The following NLGN1 variants were observed in gnomAD, a reference collection of about 807,000 sequenced individuals.
The protein encoded by NLGN1 is neuroligin 1.
Under a neutral mutation model 65.5 loss-of-function variants are expected in NLGN1, and 12 were observed. The observed-to-expected ratio is 0.18, with a 90% CI of 0.12 to 0.30. The LOEUF is 0.30. Ranked by LOEUF, NLGN1 falls within the 10% of genes least tolerant of loss-of-function variation. The probability of loss-of-function intolerance (pLI) is 1.00; values close to 1 mark genes in which losing one functional copy is unlikely to be tolerated. For synonymous variants in NLGN1, 350 were observed against 359.5 expected (o/e 0.97, Z 0.30); for missense variants, 750 against 1,007.1 (o/e 0.74, Z 3.46).
At chr3:174,051,255 A>G (rs749765188) in intron 4 of NLGN1, among the ~76,000 whole-genome samples, 4 of 152,056 alleles carry the variant, frequency 2.6e-5, no homozygotes, top group Non-Finnish European at 5.9e-5. Flanking sequence ...CCACCGTATT[A>G]TGATGTTGAT....
intron 3 of NLGN1, among the ~76,000 whole-genome samples, chr3:173,647,382 G>C (rs933015336): frequency 6.6e-6 from 1 of 152,062 alleles, no homozygotes; most frequent in African/African-American, 2.4e-5. Flanking sequence ...CCCAACAGGA[G>C]CAAAATACTC....
At chr3:174,149,033 A>G (rs1723853828) in intron 4 of NLGN1, among the ~76,000 whole-genome samples, 1 of 152,172 alleles carries the variant, frequency 6.6e-6, no homozygotes, top group Admixed American at 6.5e-5. Context: ...TGATTATGTT[A>G]TCAATTAGGA....
chr3:173,429,348 T>C (rs1224220768), intron 1 of NLGN1, among the ~76,000 whole-genome samples: 2 of 152,208 alleles, frequency 1.3e-5, no homozygotes, highest in African/African-American at 4.8e-5. Context: ...TCTTTTATTA[T>C]TTTATTCTTT....
chr3:174,012,118 C>A (rs1204239108), intron 4 of NLGN1, among the ~76,000 whole-genome samples: 1 of 152,112 alleles, frequency 6.6e-6, no homozygotes, highest in Non-Finnish European at 1.5e-5. Flanking sequence ...CTCAGGCCAC[C>A]ATGACAATGA....
chr3:173,646,902 G>T (rs1319475699), intron 3 of NLGN1, among the ~76,000 whole-genome samples: 1 of 152,052 alleles, frequency 6.6e-6, no homozygotes, highest in Non-Finnish European at 1.5e-5. Context: ...AGATTGTCAA[G>T]ATTGGATAAA....
intron 2 of NLGN1, among the ~76,000 whole-genome samples, chr3:173,580,277 C>T (rs1431840987): frequency 3.3e-5 from 5 of 151,980 alleles, no homozygotes; most frequent in Non-Finnish European, 7.4e-5. Context: ...GTATAGAAAC[C>T]AAAATAAGAT....
intron 4 of NLGN1, among the ~76,000 whole-genome samples, chr3:174,088,616 G>A (rs1331995746): frequency 4.6e-5 from 7 of 151,874 alleles, no homozygotes; most frequent in East Asian, 1.9e-4. Flanking sequence ...AGCCGGGCGC[G>A]GTGGCAGGTG....
intron 3 of NLGN1, among the ~76,000 whole-genome samples, chr3:173,638,616 A>G (rs1236361136): frequency 6.6e-6 from 1 of 152,198 alleles, no homozygotes; most frequent in Non-Finnish European, 1.5e-5. Context: ...ACAAGAATTA[A>G]TGACCAATTT....
At chr3:173,456,804 C>G (rs1722583126) in intron 2 of NLGN1, among the ~76,000 whole-genome samples, 1 of 152,130 alleles carries the variant, frequency 6.6e-6, no homozygotes, top group Admixed American at 6.6e-5. Context: ...GAAAAAGAAT[C>G]ACTGGTGTCC....
At chr3:174,130,679 G>C (rs1719997836) in intron 4 of NLGN1, among the ~76,000 whole-genome samples, 2 of 152,136 alleles carry the variant, frequency 1.3e-5, no homozygotes, top group East Asian at 1.9e-4. Flanking sequence ...GGTGTAGCAG[G>C]TGACGCAGAC....
rs1751333042 is a variant in NLGN1, at chr3:174,280,376, A to G, written c.1650-105A>G. On this transcript the variant is annotated intron_variant, in intron 6 of 6. Transcript: ENST00000457714. This position sits in a 1 kb window ranked among gnomAD's most constrained non-coding sequence, Gnocchi z 4.9. ...CCAAATTAATGTTAAAACACAATCTAAAGCATTGCTGAGTCATCTATTTAA... is the reference window on the plus strand; with the variant it reads ...CCAAATTAATGTTAAAACACAATCTGAAGCATTGCTGAGTCATCTATTTAA... 7.8e-6 allele frequency: 6 copies of G among 772,392 alleles called. No individual in the cohort carries two copies. The highest frequency in any genetic ancestry group is 1.0e-5 in the Non-Finnish European group (5 of 486,490). 47.8% of individuals were successfully genotyped at this position (772,392 alleles called of 1,614,324 possible). A position where few individuals can be genotyped will look rare whatever the true frequency, so the allele number is the denominator to read the frequency against.
intron 4 of NLGN1, among the ~76,000 whole-genome samples, chr3:173,866,817 G>A (rs1382381022): frequency 6.6e-6 from 1 of 152,130 alleles, no homozygotes; most frequent in Non-Finnish European, 1.5e-5. Flanking sequence ...TAGTTATACA[G>A]CACCCTTTTG....
At chr3:174,108,608 A>C (rs1305185624) in intron 4 of NLGN1, among the ~76,000 whole-genome samples, 1 of 152,136 alleles carries the variant, frequency 6.6e-6, no homozygotes. Context: ...AGCATTGACA[A>C]GTGGAGATTT....
Position 173,520,181 on chromosome 3 carries a change from T to C in NLGN1, c.-320-84098T>C, listed in dbSNP as rs886839742. Among the ~76,000 whole-genome samples the C allele has an allele frequency of 8.9e-4, 135 of 152,332 alleles. 1 individual carries two copies. Among genetic ancestry groups the C allele is most frequent in the Non-Finnish European group, 1.3e-4 (9 of 68,032 alleles). On this transcript the variant is annotated intron_variant, in intron 2 of 6. Transcript: ENST00000457714. ...GCCTCCACAGAAGCAGGAGCTGCTATGCTTCCTATACAGCCTGCAGATCCA... is the reference window on the plus strand; with the variant it reads ...GCCTCCACAGAAGCAGGAGCTGCTACGCTTCCTATACAGCCTGCAGATCCA...
At chr3:173,994,826 A>G (rs745490034) in intron 4 of NLGN1, among the ~76,000 whole-genome samples, 6 of 152,188 alleles carry the variant, frequency 3.9e-5, no homozygotes, top group Non-Finnish European at 7.3e-5. Context: ...TTACAGTACT[A>G]CAAAGTGTAA....
intron 4 of NLGN1, among the ~76,000 whole-genome samples, chr3:173,991,835 C>T (rs556209224): frequency 1.1e-4 from 17 of 152,008 alleles, no homozygotes; most frequent in Admixed American, 6.6e-4. Context: ...TGTTTTTTGA[C>T]GGAGTCTTGC....
At chr3:173,645,275 T>C (rs545735474) in intron 3 of NLGN1, among the ~76,000 whole-genome samples, 13 of 152,286 alleles carry the variant, frequency 8.5e-5, no homozygotes, top group African/African-American at 3.1e-4. Context: ...CTTTCCCTTG[T>C]CTCCTCTCCC....
intron 2 of NLGN1, among the ~76,000 whole-genome samples, chr3:173,490,164 C>T (rs1728873341): frequency 6.6e-6 from 1 of 152,136 alleles, no homozygotes; most frequent in Non-Finnish European, 1.5e-5. Context: ...CTTGCCCATG[C>T]CTATGTCCTA....
At chr3:173,454,202 A>G (rs2148861284) in intron 2 of NLGN1, among the ~76,000 whole-genome samples, 1 of 152,316 alleles carries the variant, frequency 6.6e-6, no homozygotes, top group Non-Finnish European at 1.5e-5. Flanking sequence ...TGCTATGAAC[A>G]GGTGTTCTGT....
Sources: gnomAD v4.1 joint callset for allele counts (sites outside exome capture counted in the v4.1 genomes callset) on GRCh38, gnomAD v4.1.1 for gene constraint, Gnocchi (gnomAD v3.1) non-coding constraint, MANE v1.5 for transcripts, NCBI Gene and HGNC (gene_info 2026-07-23, HGNC 2026-07-21) for gene names.